The following ZNF844 variants were observed in gnomAD, a reference collection of about 807,000 sequenced individuals.
ZNF844 encodes zinc finger protein 844.
ZNF844 carries 11 observed loss-of-function variants against 11.4 expected under a neutral mutation model. That is an observed-to-expected ratio of 0.97 (90% CI 0.61 to 1.60). The LOEUF (loss-of-function observed/expected upper bound fraction) is 1.60, where lower values mean the gene tolerates loss of function less well. Among genes scored for constraint, ZNF844 ranks in the 40% most tolerant of loss-of-function variants. The probability of loss-of-function intolerance (pLI) is 0.00; values close to 1 mark genes in which losing one functional copy is unlikely to be tolerated. For missense variants in ZNF844, 790 were observed against 796.8 expected, an observed-to-expected ratio of 0.99 and a Z score of 0.10; for synonymous variants, 248 against 260.3, an observed-to-expected ratio of 0.95 and a Z score of 0.46.
Position 12,077,010 on chromosome 19 carries a change from A to T in ZNF844, c.1890A>T (p.Val630=). 6.3e-7 allele frequency: 1 copy of T among 1,596,294 alleles called. No homozygotes were observed. Among genetic ancestry groups the T allele is most frequent in the Middle Eastern group, 1.7e-4 (1 of 6,042 alleles). The change falls in exon 4 of 4, where the codon GTA becomes GTT. Residue 630 remains valine, a synonymous_variant. Coordinates refer to ENST00000439326, the MANE Select transcript of ZNF844 (RefSeq NM_001136501.3). ...GTTCAATTATTTTTCTTCTTTGCGTATACACAAAAGGATGCACACTGGAGA... is the reference window on the plus strand; with the variant it reads ...GTTCAATTATTTTTCTTCTTTGCGTTTACACAAAAGGATGCACACTGGAGA... The part of the protein sequence containing the change: ...EKRSIIFLLC[V]YTKGCTLERN...
chr19:12,069,982 C>T (rs1975736289), intron 1 of ZNF844, among the ~76,000 whole-genome samples: 1 of 146,720 alleles, frequency 6.8e-6, no homozygotes, highest in African/African-American at 2.5e-5. Flanking sequence ...AGAGGCCGGG[C>T]GCGGTGGCTC....
At chr19:12,068,884 A>AG (rs1975721048) in intron 1 of ZNF844, among the ~76,000 whole-genome samples, 1 of 152,154 alleles carries the variant, frequency 6.6e-6, no homozygotes, top group Non-Finnish European at 1.5e-5. Flanking sequence ...CTGCAAGCTA[A>AG]GGTCAATCAG....
Position 12,073,010 on chromosome 19 carries a change from T to G in ZNF844, c.4-1021T>G, listed in dbSNP as rs1975767889. Among the ~76,000 whole-genome samples the G allele has an allele frequency of 2.6e-5, 4 of 152,346 alleles. No homozygotes were observed. The South Asian group carries it at 8.3e-4, about 32-fold the overall frequency. On this transcript the variant is annotated intron_variant, in intron 1 of 3. Transcript: ENST00000439326. Reference sequence around the variant, plus strand: ...TCATGGGGTGCCTTTTCCATCTGTTTATGGTGTCCCCTCATAGACAGAACT... The same window carrying G: ...TCATGGGGTGCCTTTTCCATCTGTTGATGGTGTCCCCTCATAGACAGAACT...
chr19:12,075,591 A>G lies in ZNF844; in HGVS notation c.471A>G (p.Gln157=). 1 of 1,614,080 alleles carries G rather than the reference A, an allele frequency of 6.2e-7. No homozygotes were observed. Among genetic ancestry groups the G allele is most frequent in the Non-Finnish European group, 8.5e-7 (1 of 1,180,008 alleles). ...KKAFRCHPSF[Q]MQEKAHTGEK... ...CCTTCAGATGTCACCCCTCCTTTCAAATGCAAGAAAAGGCTCACACTGGAG... is the reference window on the plus strand; with the variant it reads ...CCTTCAGATGTCACCCCTCCTTTCAGATGCAAGAAAAGGCTCACACTGGAG... Residue 157 remains glutamine, a synonymous_variant, in exon 4 of 4, where the codon CAA becomes CAG. Transcript: ENST00000439326.
At chr19:12,073,077 T>G (rs1017996036) in intron 1 of ZNF844, among the ~76,000 whole-genome samples, 1 of 152,136 alleles carries the variant, frequency 6.6e-6, no homozygotes, top group African/African-American at 2.4e-5. Context: ...TAAGAGTGGG[T>G]GCACTGGAGT....
At chr19:12,065,282 T>TA (rs1268010898) in intron 1 of ZNF844, among the ~76,000 whole-genome samples, 1 of 151,924 alleles carries the variant, frequency 6.6e-6, no homozygotes, top group Admixed American at 6.6e-5. Flanking sequence ...TGTTAAAACT[T>TA]AAACAGGCCC....
chr19:12,071,696 GT>G (rs562646552), intron 1 of ZNF844, among the ~76,000 whole-genome samples: 2,360 of 136,024 alleles, frequency 0.017, 15 homozygotes, highest in African/African-American at 0.021. Flanking sequence ...AATCAATTAG[GT>G]TTTTTTTTTT....
chr19:12,075,436 AG>A lies in ZNF844; in HGVS notation c.317del (p.Ser106MetfsTer83). The A allele has an allele frequency of 6.2e-7, 1 of 1,611,418 alleles. No homozygotes were observed. Among genetic ancestry groups the A allele is most frequent in the Non-Finnish European group, 8.5e-7 (1 of 1,179,040 alleles). ...TSPGVKSCES[S>X]VCGEVFVGHS... is the part of the protein sequence containing the mutation. ...TCCTGGAGTAAAATCATGTGAAAGC[AG>A]TGTGTGTGGAGAAGTCTTCGTGGGT... is the stretch of plus-strand genomic sequence containing the variant. On this transcript the variant is annotated frameshift_variant, in exon 4 of 4. Coordinates refer to ENST00000439326, the MANE Select transcript of ZNF844 (RefSeq NM_001136501.3). LOFTEE classifies it low-confidence loss of function (END_TRUNC).
At chr19:12,069,958 A>G in intron 1 of ZNF844, among the ~76,000 whole-genome samples, 1 of 150,502 alleles carries the variant, frequency 6.6e-6, no homozygotes, top group Non-Finnish European at 1.5e-5. Flanking sequence ...CGTCTCAAAA[A>G]AAAAAAAAAA....
chr19:12,068,211 G>A (rs2145542303), intron 1 of ZNF844, among the ~76,000 whole-genome samples: 1 of 152,236 alleles, frequency 6.6e-6, no homozygotes, highest in South Asian at 2.1e-4. Flanking sequence ...TTGGGAGGCT[G>A]AAGTGGGAGG....
At chr19:12,064,904 C>G in intron 1 of ZNF844, 28 bp downstream of exon 1, 1 of 1,548,160 alleles carries the variant, frequency 6.5e-7, no homozygotes, top group Non-Finnish European at 8.7e-7. Context: ...CTGGGAGTCC[C>G]GAGACTTGGG....
In ZNF844 at chr19:12,064,792, C is replaced by G; in HGVS notation, c.-82C>G. 1 of 1,481,500 alleles carries G rather than the reference C, an allele frequency of 6.7e-7. No homozygotes were observed. Among genetic ancestry groups the G allele is most frequent in the Non-Finnish European group, 9.1e-7 (1 of 1,094,572 alleles). The allele number at this position is 1,481,500 out of a possible 1,614,324, so 91.8% of individuals were successfully genotyped here. A position where few individuals can be genotyped will look rare whatever the true frequency, so the allele number is the denominator to read the frequency against. On this transcript the variant is annotated 5_prime_UTR_variant, in exon 1 of 4. Coordinates refer to ENST00000439326, the MANE Select transcript of ZNF844 (RefSeq NM_001136501.3). ...CCGTTTTTCCTGCTCTGAGAGGGAC[C>G]GGTTGCCACCGCCATACTTCTGTCG...
Position 12,075,870 on chromosome 19 carries a change from G to C in ZNF844, c.750G>C (p.Glu250Asp), listed in dbSNP as rs985418694. ...LQIHERTHTG[E>D]KPYECKECGK... is the part of the protein sequence containing the mutation. Reference sequence around the variant, plus strand: ...TACATGAAAGAACTCACACTGGAGAGAAGCCTTATGAATGTAAGGAATGTG... The same window carrying C: ...TACATGAAAGAACTCACACTGGAGACAAGCCTTATGAATGTAAGGAATGTG... The change falls in exon 4 of 4, where the codon GAG becomes GAC. Residue 250 changes from glutamate (E) to aspartate (D), a missense_variant. Glu to Asp is a conservative substitution (Grantham distance 45). This residue lies in a region of ZNF844 where 657 missense variants were observed against 636.2 expected (regional missense o/e 1.03). Coordinates refer to ENST00000439326, the MANE Select transcript of ZNF844 (RefSeq NM_001136501.3). 4.3e-6 allele frequency: 7 copies of C among 1,611,272 alleles called. No homozygotes were observed. In the Admixed American group the frequency reaches 1.0e-4, roughly 23 times the overall value.
chr19:12,074,257 T>G, intron 2 of ZNF844, 100 bp downstream of exon 2: 2 of 1,554,326 alleles, frequency 1.3e-6, no homozygotes, highest in South Asian at 1.2e-5. Flanking sequence ...AATACTTTGA[T>G]GAATAAATGA....
At chr19:12,069,633 G>A (rs569812509) in intron 1 of ZNF844, among the ~76,000 whole-genome samples, 3 of 151,598 alleles carry the variant, frequency 2.0e-5, no homozygotes, top group Admixed American at 2.0e-4. Context: ...GAGAGTGGGA[G>A]GTCAGGATAC....
chr19:12,077,376 CA>C lies in ZNF844; in HGVS notation c.*256del. The stretch of plus-strand genomic sequence containing the variant: ...TGAAAGGACTCACACTGGAGAGAAA[CA>C]GTATGAGTGTAAGCAGTGTGGTAAA... On this transcript the variant is annotated 3_prime_UTR_variant, in exon 4 of 4. Coordinates refer to ENST00000439326, the MANE Select transcript of ZNF844 (RefSeq NM_001136501.3). 1.3e-6 allele frequency: 1 copy of C among 779,332 alleles called. No individual in the cohort carries two copies. 48.3% of individuals were successfully genotyped at this position (779,332 alleles called of 1,614,324 possible).
At chr19:12,074,597 A>T (rs770769385) in intron 3 of ZNF844, among the ~76,000 whole-genome samples, 176 bp downstream of exon 3, 2 of 152,214 alleles carry the variant, frequency 1.3e-5, no homozygotes, top group African/African-American at 4.8e-5. Context: ...AGTGGCTCAC[A>T]CCTGTAATTT....
At chr19:12,065,180 G>C (rs989423673) in intron 1 of ZNF844, among the ~76,000 whole-genome samples, 1 of 152,206 alleles carries the variant, frequency 6.6e-6, no homozygotes, top group East Asian at 2.0e-4. Flanking sequence ...ATTGTGCGGG[G>C]CCACGGGAGG....
At chr19:12,072,087 A>C (rs949665758) in intron 1 of ZNF844, among the ~76,000 whole-genome samples, 4 of 152,068 alleles carry the variant, frequency 2.6e-5, no homozygotes, top group African/African-American at 9.7e-5. Context: ...GGGTTTCACC[A>C]TCTAGGCCAG....
Sources: allele counts gnomAD v4.1 joint callset (sites outside exome capture counted in the v4.1 genomes callset), GRCh38; gene constraint gnomAD v4.1.1; regional missense constraint gnomAD v4.1.1; transcripts MANE v1.5; gene names NCBI Gene and HGNC (gene_info 2026-07-23, HGNC 2026-07-21).